The following HTR1E variants were observed in gnomAD, a reference collection of about 807,000 sequenced individuals.
HTR1E encodes the protein 5-hydroxytryptamine receptor 1E.
HTR1E carries 3 observed loss-of-function variants against 3.4 expected under a neutral mutation model. The ratio of observed to expected loss-of-function variants is 0.89; its 90% CI spans 0.41 to 2.31. The LOEUF (loss-of-function observed/expected upper bound fraction) is 2.31. Ranked by LOEUF, HTR1E falls within the 30% of genes most tolerant of loss-of-function variation. HTR1E has a pLI of 0.05. For missense variants in HTR1E, 392 were observed against 467.0 expected (o/e 0.84, Z 1.48); for synonymous variants, 170 against 182.8 (o/e 0.93, Z 0.56).
chr6:86,941,823 G>C (rs1050514513), intron 1 of HTR1E, among the ~76,000 whole-genome samples: 13 of 151,898 alleles, frequency 8.6e-5, no homozygotes, highest in Non-Finnish European at 1.9e-4. Flanking sequence ...ATTAGGGAGG[G>C]AGGAAGGGAG....
At chr6:86,944,326 A>T (rs1562057614) in intron 1 of HTR1E, among the ~76,000 whole-genome samples, 3 of 152,236 alleles carry the variant, frequency 2.0e-5, no homozygotes. Flanking sequence ...GAACCAAATC[A>T]TTGAGAGCCA....
chr6:86,973,859 G>T (rs551223721), intron 1 of HTR1E, among the ~76,000 whole-genome samples: 3 of 152,210 alleles, frequency 2.0e-5, no homozygotes, highest in Admixed American at 6.5e-5. Flanking sequence ...GGTGAAAGCC[G>T]CAATAAACTG....
intron 1 of HTR1E, chr6:87,000,359 C>A (rs1768002600): frequency 6.6e-6 from 1 of 152,078 alleles, no homozygotes; most frequent in Non-Finnish European, 1.5e-5. Flanking sequence ...AAAGAACTTC[C>A]AAAACCTAGA....
At chr6:86,960,441 TG>T (rs1220036378) in intron 1 of HTR1E, among the ~76,000 whole-genome samples, 2 of 152,174 alleles carry the variant, frequency 1.3e-5, no homozygotes, top group Admixed American at 1.3e-4. Flanking sequence ...ATATGAATTT[TG>T]GGGACACATT....
At chr6:87,001,651 C>A (rs541120703) in intron 1 of HTR1E, among the ~76,000 whole-genome samples, 5 of 152,230 alleles carry the variant, frequency 3.3e-5, no homozygotes, top group African/African-American at 1.2e-4. Context: ...TAGAGAGGGG[C>A]AAGGAAGCAA....
chr6:86,946,054 T>C (rs1768612078), intron 1 of HTR1E, among the ~76,000 whole-genome samples: 1 of 152,312 alleles, frequency 6.6e-6, no homozygotes, highest in East Asian at 1.9e-4. Flanking sequence ...AAAAAGTTTA[T>C]AAAGTAAAAA....
intron 1 of HTR1E, among the ~76,000 whole-genome samples, chr6:86,947,269 A>G (rs1413582003): frequency 1.3e-5 from 2 of 152,194 alleles, no homozygotes; most frequent in African/African-American, 4.8e-5. Flanking sequence ...ATAAATATTT[A>G]TAGTTACTTA....
chr6:86,956,511 C>A (rs180982820), intron 1 of HTR1E, among the ~76,000 whole-genome samples: 194 of 152,294 alleles, frequency 1.3e-3, no homozygotes, highest in African/African-American at 4.4e-3. Context: ...AGCTGCCCTG[C>A]CACCATCACT....
intron 1 of HTR1E, among the ~76,000 whole-genome samples, chr6:86,954,954 T>C (rs138586486): frequency 6.6e-6 from 1 of 152,304 alleles, no homozygotes; most frequent in Non-Finnish European, 1.5e-5. Context: ...AAGATGTATC[T>C]GGGAAAAGAA....
intron 1 of HTR1E, among the ~76,000 whole-genome samples, chr6:86,991,613 G>A (rs986525790): frequency 2.6e-5 from 4 of 152,142 alleles, no homozygotes; most frequent in African/African-American, 9.7e-5. Flanking sequence ...AGCAGCCAGG[G>A]GTGGAGTGGT....
chr6:86,939,652 T>C (rs1192066873), intron 1 of HTR1E, among the ~76,000 whole-genome samples: 2 of 152,250 alleles, frequency 1.3e-5, no homozygotes, highest in African/African-American at 4.8e-5. Flanking sequence ...TAGCAGATTA[T>C]TTTTATAATG....
At chr6:87,011,551 A>C (rs1002194072) in intron 1 of HTR1E, among the ~76,000 whole-genome samples, 11 of 152,236 alleles carry the variant, frequency 7.2e-5, no homozygotes, top group African/African-American at 2.7e-4. Context: ...TCAAAGTCTT[A>C]GCAAAACTTT....
At chr6:87,011,920 C>T (rs562871143) in intron 1 of HTR1E, among the ~76,000 whole-genome samples, 23 of 152,182 alleles carry the variant, frequency 1.5e-4, no homozygotes, top group East Asian at 5.8e-4. Context: ...ACCTTTCCCG[C>T]GCAAAATGGA....
At chr6:86,944,026 C>A (rs932966138) in intron 1 of HTR1E, among the ~76,000 whole-genome samples, 2 of 152,162 alleles carry the variant, frequency 1.3e-5, no homozygotes, top group Admixed American at 1.3e-4. Context: ...TGGCTGTTGA[C>A]AAGCCTCAGG....
chr6:86,953,461 T>C (rs1422114533), intron 1 of HTR1E, among the ~76,000 whole-genome samples: 1 of 152,182 alleles, frequency 6.6e-6, no homozygotes, highest in Non-Finnish European at 1.5e-5. Context: ...GTTCTCACAT[T>C]TCTAAGGGTC....
At chr6:86,999,120 A>G (rs79380223) in intron 1 of HTR1E, among the ~76,000 whole-genome samples, 1 of 152,034 alleles carries the variant, frequency 6.6e-6, no homozygotes, top group African/African-American at 2.4e-5. Context: ...CAACAACGCC[A>G]GGCTAATTTT....
At chr6:86,967,268 T>C (rs1409554673) in intron 1 of HTR1E, among the ~76,000 whole-genome samples, 4 of 152,188 alleles carry the variant, frequency 2.6e-5, no homozygotes, top group Non-Finnish European at 5.9e-5. Context: ...TAATGTGGTA[T>C]TTGAAAGAAG....
chr6:86,981,804 A>C (rs1014943089), intron 1 of HTR1E, among the ~76,000 whole-genome samples: 1 of 152,266 alleles, frequency 6.6e-6, no homozygotes, highest in African/African-American at 2.4e-5. Flanking sequence ...AACCAAAGAC[A>C]CTACCTAGGA....
At chr6:87,010,437 G>T (rs1337445514) in intron 1 of HTR1E, among the ~76,000 whole-genome samples, 1 of 150,604 alleles carries the variant, frequency 6.6e-6, no homozygotes, top group Non-Finnish European at 1.5e-5. Flanking sequence ...CAGTAGGGGC[G>T]ACCGGGCAGA....
Sources: gnomAD v4.1 joint callset for allele counts (sites outside exome capture counted in the v4.1 genomes callset) on GRCh38, gnomAD v4.1.1 for gene constraint, MANE v1.5 for transcripts, NCBI Gene and HGNC (gene_info 2026-07-23, HGNC 2026-07-21) for gene names.